Variants in TSPEAR observed in about 807,000 individuals in gnomAD.
TSPEAR encodes thrombospondin-type laminin G domain and EAR repeat-containing protein.
In TSPEAR, 69 loss-of-function variants were observed where a neutral mutation model predicts 71.6. The ratio of observed to expected loss-of-function variants is 0.96; its 90% confidence interval spans 0.79 to 1.18. The LOEUF (loss-of-function observed/expected upper bound fraction) is 1.18. Ranked by LOEUF, TSPEAR falls within the 50% of genes most tolerant of loss-of-function variation. The probability of loss-of-function intolerance (pLI) is 0.00; values close to 1 mark genes in which losing one functional copy is unlikely to be tolerated. For missense variants in TSPEAR, 971 were observed against 894.9 expected, an observed-to-expected ratio of 1.09 and a Z score of -1.09; for synonymous variants, 402 against 387.2, an observed-to-expected ratio of 1.04 and a Z score of -0.45.
rs782192769 is a variant in TSPEAR at position 44,697,742 on chromosome 21, C to A, written c.82+13691G>T. On this transcript the variant is annotated intron_variant, in intron 1 of 11. Transcript: ENST00000323084. ...GTGCTGCCAGCAGTCTAGCTGCCAGCCAGCTTGCTGCACCACCTCCTGCTG... is the reference window on the plus strand; with the variant it reads ...GTGCTGCCAGCAGTCTAGCTGCCAGACAGCTTGCTGCACCACCTCCTGCTG... 3.1e-6 allele frequency: 5 copies of A among 1,614,012 alleles called. No individual in the cohort carries two copies. The East Asian group carries it at 8.9e-5, about 29-fold the overall frequency.
At chr21:44,576,685 T>A (rs1345902808) in intron 1 of TSPEAR, among the ~76,000 whole-genome samples, 1 of 152,228 alleles carries the variant, frequency 6.6e-6, no homozygotes, top group African/African-American at 2.4e-5. Flanking sequence ...CTGAGAACAC[T>A]GCTGGTTGAG....
rs2052901633 is a variant in TSPEAR at position 44,528,512 on chromosome 21, C to G, written c.862G>C (p.Asp288His). ...AGATACAGGCCCTTCCGGCTGGCATCAAACCAGAACTGGGCGTCTTCCACC... is the reference window on the plus strand; with the variant it reads ...AGATACAGGCCCTTCCGGCTGGCATGAAACCAGAACTGGGCGTCTTCCACC... ...TEVEDAQFWF[D>H]ASRKGLYLCV... The change falls in exon 6 of 12, where the codon GAT becomes CAT. Residue 288 changes from aspartate to histidine, a missense_variant. By Grantham distance (81) the Asp-to-His change is moderately conservative. Transcript: ENST00000323084. 1 of 1,614,182 alleles carries G rather than the reference C, an allele frequency of 6.2e-7. No individual in the cohort carries two copies. The highest frequency in any genetic ancestry group is 8.5e-7 in the Non-Finnish European group (1 of 1,180,040).
chr21:44,570,248 C>T (rs1262795405), intron 1 of TSPEAR, among the ~76,000 whole-genome samples: 2 of 152,218 alleles, frequency 1.3e-5, no homozygotes, highest in East Asian at 1.9e-4. Context: ...TCCTGACCAT[C>T]CCAGCAAGAG....
chr21:44,600,910 C>G, intron 1 of TSPEAR: 1 of 1,611,706 alleles, frequency 6.2e-7, no homozygotes, highest in Non-Finnish European at 8.5e-7. Flanking sequence ...TAGCTGCCAG[C>G]TGGCTTGCTG....
intron 2 of TSPEAR, among the ~76,000 whole-genome samples, chr21:44,540,554 A>T (rs2053202889): frequency 6.6e-6 from 1 of 152,168 alleles, no homozygotes; most frequent in Non-Finnish European, 1.5e-5. Flanking sequence ...TGCCAGGGTG[A>T]GAGCTGTCCC....
chr21:44,575,742 G>T (rs587751366), intron 1 of TSPEAR, among the ~76,000 whole-genome samples: 1 of 152,162 alleles, frequency 6.6e-6, no homozygotes, highest in Non-Finnish European at 1.5e-5. Context: ...AGTCTTCATC[G>T]ACATTGCCTA....
intron 1 of TSPEAR, among the ~76,000 whole-genome samples, chr21:44,631,943 G>A (rs1306460534): frequency 2.0e-5 from 3 of 152,170 alleles, no homozygotes; most frequent in African/African-American, 7.2e-5. Flanking sequence ...TGGAGTTAGT[G>A]TTTAATGGGG....
intron 1 of TSPEAR, among the ~76,000 whole-genome samples, chr21:44,613,491 G>C (rs1981861321): frequency 6.6e-6 from 1 of 152,168 alleles, no homozygotes; most frequent in Non-Finnish European, 1.5e-5. Flanking sequence ...TGTCCCACCT[G>C]GGAGAGCCCA....
In TSPEAR at chr21:44,499,830, T is replaced by G. The variant is rs1189851163; in HGVS notation, c.1963A>C (p.Ser655Arg). ...TTAGAYLIYS[S>R]AKEPLSRVLR... ...ACCCTGGAGAGGGGCTCCTTGGCGC[T>G]GGAGTAGATGAGGTAGGCACCAGCC... The change falls in exon 12 of 12, where the codon AGC (serine) becomes CGC (arginine). Residue 655 changes from serine to arginine, a missense_variant. Ser to Arg is a moderately radical substitution (Grantham distance 110). Coordinates refer to ENST00000323084, the MANE Select transcript of TSPEAR (RefSeq NM_144991.3). The G allele has an allele frequency of 5.0e-6, 8 of 1,590,164 alleles. No homozygotes were observed. In the African/African-American group the frequency reaches 1.1e-4, roughly 21 times the overall value.
At chr21:44,667,523 G>C (rs970635675) in intron 1 of TSPEAR, among the ~76,000 whole-genome samples, 42 of 152,206 alleles carry the variant, frequency 2.8e-4, no homozygotes, top group African/African-American at 9.6e-4. Flanking sequence ...ACCAAGATGA[G>C]ACAACACCAC....
rs782084490 is a variant in TSPEAR at position 44,646,574 on chromosome 21, C to T, written c.82+64859G>A. ...TGCAGCGCCCCCAGCTGCTGCGCCC[C>T]GGCCCCCTCCCTGAGCCTGGTCTGC... is the stretch of plus-strand genomic sequence containing the variant. On this transcript the variant is annotated intron_variant, in intron 1 of 11. Coordinates refer to ENST00000323084, the MANE Select transcript of TSPEAR (RefSeq NM_144991.3). 1.9e-5 allele frequency: 30 copies of T among 1,612,400 alleles called. No individual in the cohort carries two copies. The highest frequency in any genetic ancestry group is 4.0e-5 in the African/African-American group (3 of 74,992).
intron 1 of TSPEAR, among the ~76,000 whole-genome samples, chr21:44,663,110 GA>G (rs34298789): frequency 0.19 from 27,406 of 147,714 alleles, 2,639 homozygotes; most frequent in Non-Finnish European, 0.21. Context: ...TTAAAAATCT[GA>G]AAAAAAAAAT....
At chr21:44,566,577 G>A (rs1358688620) in intron 2 of TSPEAR, among the ~76,000 whole-genome samples, 1 of 152,104 alleles carries the variant, frequency 6.6e-6, no homozygotes, top group Non-Finnish European at 1.5e-5. Context: ...AAAGTTGGAT[G>A]ACTCATAGTT....
chr21:44,647,740 A>ATTTTT, intron 1 of TSPEAR: 1 of 288,226 alleles, frequency 3.5e-6, no homozygotes, highest in Non-Finnish European at 6.8e-6. Context: ...TGTTAAAGGC[A>ATTTTT]GACAGGACAG....
chr21:44,595,958 T>C (rs587638420), intron 1 of TSPEAR, among the ~76,000 whole-genome samples: 1 of 152,320 alleles, frequency 6.6e-6, no homozygotes, highest in South Asian at 2.1e-4. Context: ...TGGAACAAAG[T>C]ACCACAAGCT....
At chr21:44,670,260 G>T (rs1045052781) in intron 1 of TSPEAR, among the ~76,000 whole-genome samples, 9 of 152,126 alleles carry the variant, frequency 5.9e-5, no homozygotes, top group Non-Finnish European at 1.2e-4. Context: ...CATAGGTGGG[G>T]GGGTTGTTAT....
intron 1 of TSPEAR, among the ~76,000 whole-genome samples, chr21:44,608,543 T>G (rs1327718425): frequency 1.3e-5 from 2 of 152,176 alleles, no homozygotes; most frequent in Middle Eastern, 3.2e-3. Context: ...ATAATAAATT[T>G]CTGCAAATCA....
chr21:44,504,484 C>T (rs1368722366), intron 11 of TSPEAR, among the ~76,000 whole-genome samples: 3 of 136,040 alleles, frequency 2.2e-5, no homozygotes, highest in African/African-American at 2.8e-5. Flanking sequence ...AGGCCGGCCT[C>T]GGTGAGCCCA....
At position 44,590,959 on chromosome 21, in the gene TSPEAR, G is replaced by A. The variant is rs587651226; in HGVS notation, c.83-22954C>T. Among the ~76,000 whole-genome samples, 52 of 152,150 alleles carry A rather than the reference G, an allele frequency of 3.4e-4. No homozygotes were observed. In the South Asian group the frequency reaches 8.1e-3, roughly 24 times the overall value. ...CTTCCTGCCTCATCCCATGCCCCTC[G>A]GGGGTCCACAGACAGGATGAAAAGT... On this transcript the variant is annotated intron_variant, in intron 1 of 11. Transcript: ENST00000323084.
Sources: gnomAD v4.1 joint callset for allele counts (sites outside exome capture counted in the v4.1 genomes callset) on GRCh38, gnomAD v4.1.1 for gene constraint, MANE v1.5 for transcripts, NCBI Gene and HGNC (gene_info 2026-07-23, HGNC 2026-07-21) for gene names.